Variants in GPHN observed in about 807,000 individuals in gnomAD.
The protein encoded by GPHN is gephyrin.
Under a neutral mutation model 95.5 loss-of-function variants are expected in GPHN, and 17 were observed. The observed-to-expected ratio is 0.18, with a 90% CI of 0.12 to 0.27. The LOEUF (loss-of-function observed/expected upper bound fraction) is 0.27, where lower values mean the gene tolerates loss of function less well. Among genes scored for constraint, GPHN ranks in the 10% least tolerant of loss-of-function variants. The pLI is 1.00. For synonymous variants in GPHN, 320 were observed against 322.5 expected, an observed-to-expected ratio of 0.99 and a Z score of 0.08; for missense variants, 660 against 978.1, an observed-to-expected ratio of 0.67 and a Z score of 4.34.
chr14:66,565,292 C>G (rs1407431569), intron 1 of GPHN, among the ~76,000 whole-genome samples: 1 of 149,988 alleles, frequency 6.7e-6, no homozygotes, highest in Non-Finnish European at 1.5e-5. Context: ...TGTCCCCTAT[C>G]TGTGTGTGTG....
Position 66,879,983 on chromosome 14 carries a change from G to A in GPHN, c.339G>A (p.Leu113=), listed in dbSNP as rs752401035. The change falls in exon 5 of 23, where the codon CTG becomes CTA. Residue 113 remains leucine, a synonymous_variant. Transcript: ENST00000478722. ...VIEREAPGMA[L]AMLMGSLNVT... ...AACGGGAAGCACCAGGGATGGCCCT[G>A]GCAATGCTGATGGGATCACTTAATG... 1.9e-6 allele frequency: 3 copies of A among 1,611,790 alleles called. No homozygotes were observed. The South Asian group carries it at 3.3e-5, about 18-fold the overall frequency.
At chr14:66,739,582 A>G (rs961438302) in intron 2 of GPHN, among the ~76,000 whole-genome samples, 1 of 151,286 alleles carries the variant, frequency 6.6e-6, no homozygotes, top group African/African-American at 2.4e-5. Flanking sequence ...AAGTGTATGA[A>G]TTTAGTTTAA....
At chr14:67,489,981 C>A in the GPHN span, among the ~76,000 whole-genome samples, 1 of 133,456 alleles carries the variant, frequency 7.5e-6, no homozygotes, top group Admixed American at 7.5e-5. Flanking sequence ...CAGAGCGAGA[C>A]TCCGTCTCAA....
At chr14:67,307,745 G>A in the GPHN span, among the ~76,000 whole-genome samples, 1 of 151,858 alleles carries the variant, frequency 6.6e-6, no homozygotes, top group Non-Finnish European at 1.5e-5. Context: ...AACTTTAAGA[G>A]TTAAAGATAA....
intron 17 of GPHN, among the ~76,000 whole-genome samples, chr14:67,137,245 A>C (rs985143233): frequency 1.5e-4 from 22 of 151,460 alleles, no homozygotes; most frequent in Middle Eastern, 3.4e-3. Context: ...TCCCAGGTTC[A>C]TGCCATTCTC....
the GPHN span, among the ~76,000 whole-genome samples, chr14:67,362,011 TTTTTTTC>T: frequency 0.069 from 10,257 of 148,240 alleles, 612 homozygotes; most frequent in African/African-American, 0.2. Context: ...GAGTCTTTTT[TTTTTTTC>T]TTTTTTCTTT....
chr14:66,534,980 A>G (rs2059087535), intron 1 of GPHN, among the ~76,000 whole-genome samples: 1 of 152,122 alleles, frequency 6.6e-6, no homozygotes. Flanking sequence ...TTCAATTCTA[A>G]TGAACCTTAA....
chr14:66,800,380 G>A (rs998162335), intron 3 of GPHN, among the ~76,000 whole-genome samples: 1 of 151,912 alleles, frequency 6.6e-6, no homozygotes, highest in Non-Finnish European at 1.5e-5. Context: ...AGACAGATCT[G>A]GTGTTGATAA....
At chr14:67,039,750 G>A (rs557867283) in intron 10 of GPHN, among the ~76,000 whole-genome samples, 7 of 152,306 alleles carry the variant, frequency 4.6e-5, no homozygotes, top group African/African-American at 1.7e-4. Flanking sequence ...CTGAGATCAA[G>A]CCACTGCATT....
At chr14:67,576,501 C>T in the GPHN span, 1 of 1,535,058 alleles carries the variant, frequency 6.5e-7, no homozygotes, top group Non-Finnish European at 9.0e-7. The surrounding 1 kb of genome is among the most constrained non-coding windows in gnomAD (Gnocchi z 4.0). Flanking sequence ...GAAGGAGATC[C>T]AGGTAAGGCA....
In GPHN at chr14:66,623,113, T is replaced by C. The variant is rs555178510; in HGVS notation, c.65-57994T>C. 4.6e-5 allele frequency among the ~76,000 whole-genome samples: 7 copies of C among 152,332 alleles called. No individual in the cohort carries two copies. In the East Asian group the frequency reaches 1.3e-3, roughly 29 times the overall value. ...CATGACTGGGGAGGCCTCACAATCA[T>C]GGCAGAAGGCAAAGAGGAGCTTGTA... On this transcript the variant is annotated intron_variant, in intron 1 of 22. Transcript: ENST00000478722.
intron 17 of GPHN, among the ~76,000 whole-genome samples, chr14:67,138,894 T>C (rs905135012): frequency 7.1e-6 from 1 of 141,730 alleles, no homozygotes; most frequent in African/African-American, 2.6e-5. Context: ...CTCCTTTTTT[T>C]TTTTTTTTTT....
At chr14:66,789,116 C>G (rs2059884672) in intron 3 of GPHN, among the ~76,000 whole-genome samples, 1 of 152,126 alleles carries the variant, frequency 6.6e-6, no homozygotes, top group Non-Finnish European at 1.5e-5. Flanking sequence ...CTGAATAATA[C>G]CCCTTTAACT....
chr14:67,625,379 C>T, the GPHN span, among the ~76,000 whole-genome samples: 1 of 151,978 alleles, frequency 6.6e-6, no homozygotes, highest in South Asian at 2.1e-4. Context: ...TTTCAAAGAG[C>T]ACTATTAAGA....
intron 5 of GPHN, among the ~76,000 whole-genome samples, chr14:66,892,460 C>T (rs964727228): frequency 6.6e-5 from 10 of 152,122 alleles, no homozygotes; most frequent in East Asian, 3.9e-4. Context: ...GATATTTGCA[C>T]GCCAATATTC....
chr14:67,448,357 G>A, the GPHN span, among the ~76,000 whole-genome samples: 69 of 151,480 alleles, frequency 4.6e-4, no homozygotes, highest in African/African-American at 1.5e-3. Flanking sequence ...AATCAGGATG[G>A]ATATCATAGC....
chr14:67,254,024 A>AG, the GPHN span, among the ~76,000 whole-genome samples: 1 of 114,158 alleles, frequency 8.8e-6, no homozygotes, highest in African/African-American at 4.1e-5. Flanking sequence ...CCTTATATTC[A>AG]TCCCCCCCCC....
At chr14:67,084,469 C>T (rs2076810279) in intron 11 of GPHN, among the ~76,000 whole-genome samples, 1 of 152,098 alleles carries the variant, frequency 6.6e-6, no homozygotes, top group African/African-American at 2.4e-5. Flanking sequence ...CTAGATGTTC[C>T]ACAAGTTTTT....
chr14:66,894,179 A>G (rs1000770235), intron 5 of GPHN, among the ~76,000 whole-genome samples: 3 of 152,150 alleles, frequency 2.0e-5, no homozygotes, highest in Non-Finnish European at 4.4e-5. Flanking sequence ...GACCACTGGA[A>G]CAGAACACAG....
Sources: allele counts gnomAD v4.1 joint callset (sites outside exome capture counted in the v4.1 genomes callset), GRCh38; gene constraint gnomAD v4.1.1; non-coding constraint Gnocchi (gnomAD v3.1); transcripts MANE v1.5; gene names NCBI Gene and HGNC (gene_info 2026-07-23, HGNC 2026-07-21).